The following PLXNA2 variants were observed in gnomAD, a reference collection of about 807,000 sequenced individuals.
PLXNA2 encodes the protein plexin A2.
PLXNA2 carries 91 observed loss-of-function variants against 193.5 expected under a neutral mutation model. The observed-to-expected ratio is 0.47, with a 90% confidence interval of 0.40 to 0.56. The LOEUF (loss-of-function observed/expected upper bound fraction) is 0.56. Ranked by LOEUF, PLXNA2 falls within the 20% of genes least tolerant of loss-of-function variation. The probability of loss-of-function intolerance (pLI) is 0.00; values close to 1 mark genes in which losing one functional copy is unlikely to be tolerated. For missense variants in PLXNA2, 1,995 were observed against 2,503.2 expected (o/e 0.80, Z 4.33); for synonymous variants, 997 against 1,027.3 (o/e 0.97, Z 0.56).
chr1:208,075,350 G>T (rs766349146), intron 12 of PLXNA2, among the ~76,000 whole-genome samples: 2 of 151,882 alleles, frequency 1.3e-5, no homozygotes, highest in Non-Finnish European at 2.9e-5. Flanking sequence ...CTCCTTAAAG[G>T]TTGCTTTTAG....
intron 12 of PLXNA2, among the ~76,000 whole-genome samples, chr1:208,076,577 G>A (rs1356454679): frequency 6.6e-6 from 1 of 152,158 alleles, no homozygotes; most frequent in African/African-American, 2.4e-5. Context: ...TTTTGCCACA[G>A]TAATATGTAA....
Position 208,027,183 on chromosome 1 carries a change from A to T in PLXNA2, c.*60T>A. The T allele has an allele frequency of 1.4e-6, 2 of 1,409,132 alleles. No homozygotes were observed. Among genetic ancestry groups the T allele is most frequent in the Non-Finnish European group, 2.0e-6 (2 of 999,294 alleles). The allele number at this position is 1,409,132 out of a possible 1,614,324, so 87.3% of individuals were successfully genotyped here. ...TCCCCATCACTTGTCCTTCCATCTG[A>T]GACTCCCAGTGTGACAGCTTGGACA... On this transcript the variant is annotated 3_prime_UTR_variant, in exon 32 of 32. Coordinates refer to ENST00000367033, the MANE Select transcript of PLXNA2 (RefSeq NM_025179.4).
chr1:208,125,966 G>A (rs1389251627), intron 4 of PLXNA2, among the ~76,000 whole-genome samples: 1 of 152,226 alleles, frequency 6.6e-6, no homozygotes, highest in African/African-American at 2.4e-5. Context: ...GGTCACAGGA[G>A]GAAAGACAAC....
chr1:208,094,665 T>G (rs1178179108), intron 8 of PLXNA2, among the ~76,000 whole-genome samples: 3 of 152,188 alleles, frequency 2.0e-5, no homozygotes, highest in Non-Finnish European at 4.4e-5. Context: ...AATGCAGTGG[T>G]TAGAGGGCAG....
At chr1:208,079,579 T>A in intron 11 of PLXNA2, 129 bp from the exon 12 acceptor site, 6 of 674,462 alleles carry the variant, frequency 8.9e-6, no homozygotes, top group Non-Finnish European at 1.5e-5. Context: ...ATCATCATTA[T>A]CATTGCAAGA....
chr1:208,027,443 C>T, intron 31 of PLXNA2, 105 bp from the exon 32 acceptor site: 1 of 796,526 alleles, frequency 1.3e-6, no homozygotes, highest in Non-Finnish European at 2.1e-6. Context: ...TCCATTCTGC[C>T]TTCATGCACA....
intron 3 of PLXNA2, among the ~76,000 whole-genome samples, chr1:208,154,759 G>A (rs976001080): frequency 1.3e-5 from 2 of 152,190 alleles, no homozygotes; most frequent in African/African-American, 2.4e-5. Flanking sequence ...TCCAGCGAAG[G>A]CTGATGTCTA....
At chr1:208,083,214 G>A (rs964677942) in intron 10 of PLXNA2, among the ~76,000 whole-genome samples, 6 of 152,154 alleles carry the variant, frequency 3.9e-5, no homozygotes, top group Admixed American at 2.0e-4. Flanking sequence ...ACAGCTTTCC[G>A]GGCACAGATC....
chr1:208,070,268 C>G (rs549055106), intron 12 of PLXNA2, among the ~76,000 whole-genome samples: 2 of 152,312 alleles, frequency 1.3e-5, no homozygotes, highest in African/African-American at 4.8e-5. Context: ...CCATGCCTTG[C>G]TGCTTTCCAA....
At chr1:208,114,165 C>T (rs538763729) in intron 4 of PLXNA2, among the ~76,000 whole-genome samples, 4 of 152,316 alleles carry the variant, frequency 2.6e-5, no homozygotes, top group South Asian at 2.1e-4. Context: ...TGCCTCCCAA[C>T]AGAGCTCTAG....
chr1:208,179,489 G>T (rs1404587631), intron 3 of PLXNA2, among the ~76,000 whole-genome samples: 1 of 152,086 alleles, frequency 6.6e-6, no homozygotes, highest in East Asian at 1.9e-4. Context: ...CTGGCATAAT[G>T]GTCTGCCAAG....
intron 12 of PLXNA2, among the ~76,000 whole-genome samples, chr1:208,067,344 CAAAAA>C (rs35720470): frequency 8.6e-6 from 1 of 116,310 alleles, no homozygotes. Context: ...AACTCCGTCT[CAAAAA>C]AAAAAAAAAA....
chr1:208,176,484 G>A (rs1383425249), intron 3 of PLXNA2, among the ~76,000 whole-genome samples: 3 of 152,212 alleles, frequency 2.0e-5, no homozygotes, highest in Non-Finnish European at 4.4e-5. Flanking sequence ...TCAGAGTTAG[G>A]TAGGTACAGG....
At chr1:208,133,994 G>A (rs1668232130) in intron 4 of PLXNA2, among the ~76,000 whole-genome samples, 1 of 152,162 alleles carries the variant, frequency 6.6e-6, no homozygotes, top group African/African-American at 2.4e-5. Flanking sequence ...TACCTATCTA[G>A]AAAGAAAAAT....
chr1:208,095,465 C>T (rs1346294048), intron 8 of PLXNA2, among the ~76,000 whole-genome samples: 1 of 152,124 alleles, frequency 6.6e-6, no homozygotes, highest in Non-Finnish European at 1.5e-5. Flanking sequence ...TGTCTGGTTT[C>T]CCTTCCTCTT....
At chr1:208,166,327 G>T (rs1571988406) in intron 3 of PLXNA2, among the ~76,000 whole-genome samples, 1 of 152,338 alleles carries the variant, frequency 6.6e-6, no homozygotes, top group Non-Finnish European at 1.5e-5. Flanking sequence ...GCAGCCAACT[G>T]GTCTGCATTG....
intron 13 of PLXNA2, among the ~76,000 whole-genome samples, chr1:208,057,707 A>G (rs1665480878): frequency 6.6e-6 from 1 of 152,092 alleles, no homozygotes; most frequent in African/African-American, 2.4e-5. Flanking sequence ...ATCGCTGGAG[A>G]TGCCTAGATT....
chr1:208,168,999 T>A (rs544424753), intron 3 of PLXNA2, among the ~76,000 whole-genome samples: 2 of 152,132 alleles, frequency 1.3e-5, no homozygotes, highest in African/African-American at 4.8e-5. Flanking sequence ...TTCGATGGTT[T>A]TCTATAAGGC....
chr1:208,115,145 G>T (rs1465507895), intron 4 of PLXNA2, among the ~76,000 whole-genome samples: 1 of 152,128 alleles, frequency 6.6e-6, no homozygotes, highest in African/African-American at 2.4e-5. Context: ...CATGGAGGCA[G>T]CAATGACCAC....
Sources: gnomAD v4.1 joint callset for allele counts (sites outside exome capture counted in the v4.1 genomes callset) on GRCh38, gnomAD v4.1.1 for gene constraint, MANE v1.5 for transcripts, NCBI Gene and HGNC (gene_info 2026-07-23, HGNC 2026-07-21) for gene names.